Variants in ATM observed in about 807,000 individuals in gnomAD.
The protein encoded by ATM is ATM serine/threonine kinase.
ATM carries 308 observed loss-of-function variants against 387.0 expected under a neutral mutation model. The ratio of observed to expected loss-of-function variants is 0.80; its 90% CI spans 0.73 to 0.87. The LOEUF (loss-of-function observed/expected upper bound fraction) is 0.87, where lower values mean the gene tolerates loss of function less well. Among genes scored for constraint, ATM ranks in the 40% least tolerant of loss-of-function variants. The probability of loss-of-function intolerance (pLI) is 0.00; values close to 1 mark genes in which losing one functional copy is unlikely to be tolerated. For synonymous variants in ATM, 1,156 were observed against 1,187.3 expected (o/e 0.97, Z 0.54); for missense variants, 3,312 against 3,560.9 (o/e 0.93, Z 1.78).
chr11:108,308,554 G>T, intron 38 of ATM: 1 of 186,096 alleles, frequency 5.4e-6, no homozygotes, highest in South Asian at 1.1e-4. Context: ...GAAATTGCTA[G>T]AATGGATGGT....
rs56815840 is a variant in ATM at position 108,320,043 on chromosome 11, G to C, written c.6437G>C (p.Ser2146Thr). ...RDREFSTFYE[S>T]LKYARVKEVE... ...AGAGAATTCTCTACATTTTATGAAAGTCTCAAATATGCCAGGTATTATGAA... is the reference window on the plus strand; with the variant it reads ...AGAGAATTCTCTACATTTTATGAAACTCTCAAATATGCCAGGTATTATGAA... The change falls in exon 44 of 63, where the codon AGT (serine) becomes ACT (threonine). Residue 2146 changes from serine to threonine, a missense_variant. Ser to Thr is a moderately conservative substitution (Grantham distance 58). Around this residue, in one of 4 missense-constraint regions of ATM, gnomAD observed 1,405 missense variants for 1,604.4 expected, o/e 0.88. Transcript: ENST00000675843. 1,130 of 1,598,250 alleles carry C rather than the reference G, an allele frequency of 7.1e-4. 9 individuals are homozygous for C. The African/African-American group carries it at 0.013, about 18-fold the overall frequency.
rs181201162 is a variant in ATM, at chr11:108,335,477, T to C, written c.8151+368T>C. On this transcript the variant is annotated intron_variant, in intron 55 of 62. Transcript: ENST00000675843. The stretch of plus-strand genomic sequence containing the variant: ...CCGGGTCTCGTACTGTGCCAAGTGC[T>C]ATTTAATGTACCAAAAAGGGAGAGC... Among the ~76,000 whole-genome samples, 21 of 152,296 alleles carry C rather than the reference T, an allele frequency of 1.4e-4. No homozygotes were observed. The East Asian group carries it at 2.9e-3, about 21-fold the overall frequency.
rs139644998 is a variant in ATM at position 108,283,197 on chromosome 11, C to A, written c.3746+318C>A. On this transcript the variant is annotated intron_variant, in intron 25 of 62. Coordinates refer to ENST00000675843, the MANE Select transcript of ATM (RefSeq NM_000051.4). ...AGGAGATCTTTCAGGTCCTTTTCAG[C>A]TTTAATATTTGATCATCTTTCCTTT... Among the ~76,000 whole-genome samples, 21 of 152,296 alleles carry A rather than the reference C, an allele frequency of 1.4e-4. No individual in the cohort carries two copies. The East Asian group carries it at 3.9e-3, about 28-fold the overall frequency.
intron 61 of ATM, among the ~76,000 whole-genome samples, chr11:108,358,165 C>T (rs929261333): frequency 1.8e-4 from 27 of 151,242 alleles, no homozygotes; most frequent in South Asian, 8.4e-4. Context: ...CCTCAGGAGC[C>T]GATGCGATCA....
In ATM at chr11:108,310,279, A is replaced by G. The variant is rs56399311; in HGVS notation, c.5882A>G (p.Tyr1961Cys). The G allele has an allele frequency of 5.8e-5, 93 of 1,613,612 alleles. No individual in the cohort carries two copies. The highest frequency in any genetic ancestry group is 5.0e-4 in the Middle Eastern group (3 of 6,058). Residue 1961 changes from tyrosine (Y) to cysteine (C), a missense_variant, in exon 39 of 63, where the codon TAT becomes TGT. Around this residue, in one of 4 missense-constraint regions of ATM, gnomAD observed 1,405 missense variants for 1,604.4 expected, o/e 0.88. Coordinates refer to ENST00000675843, the MANE Select transcript of ATM (RefSeq NM_000051.4). ...HFTALLYAEI[Y>C]ADKKSMDDQE... ...ACAGCTTTACTCTATGCAGAAATCT[A>G]TGCAGATAAGAAAAGTATGGATGAT...
chr11:108,324,730 C>A (rs1482095416), intron 45 of ATM, among the ~76,000 whole-genome samples: 1 of 152,166 alleles, frequency 6.6e-6, no homozygotes, highest in Non-Finnish European at 1.5e-5. Flanking sequence ...GGTAGTATTT[C>A]ATAGTTCAGT....
intron 36 of ATM, among the ~76,000 whole-genome samples, chr11:108,304,116 T>C (rs946346014): frequency 1.3e-5 from 2 of 152,210 alleles, no homozygotes; most frequent in African/African-American, 2.4e-5. Context: ...GCCAGATGTA[T>C]TGGAGCACTT....
chr11:108,266,266 A>C (rs2081231549), intron 16 of ATM, among the ~76,000 whole-genome samples: 1 of 151,762 alleles, frequency 6.6e-6, no homozygotes, highest in Non-Finnish European at 1.5e-5. Flanking sequence ...TGGATTAAGA[A>C]ACTGTGGCAC....
Position 108,256,202 on chromosome 11 carries a change from G to C in ATM, c.2125-13G>C, listed in dbSNP as rs2135391648. ...ATGAAATATATATATTTTTATTTGTGGTTTACTTTAAGATTACAAATTCAG... is the reference window on the plus strand; with the variant it reads ...ATGAAATATATATATTTTTATTTGTCGTTTACTTTAAGATTACAAATTCAG... On this transcript the variant is annotated splice_polypyrimidine_tract_variant and intron_variant, in intron 13 of 62. Coordinates refer to ENST00000675843, the MANE Select transcript of ATM (RefSeq NM_000051.4). The C allele has an allele frequency of 6.3e-7, 1 of 1,585,418 alleles. No homozygotes were observed. Among genetic ancestry groups the C allele is most frequent in the Non-Finnish European group, 8.6e-7 (1 of 1,161,346 alleles).
At chr11:108,311,343 GTAGGAAGCCTTA>G (rs2084141125) in intron 39 of ATM, among the ~76,000 whole-genome samples, 1 of 152,066 alleles carries the variant, frequency 6.6e-6, no homozygotes. Context: ...AAGTGGATCG[GTAGGAAGCCTTA>G]TATTTGAAGA....
chr11:108,325,869 C>G (rs1341204198), intron 46 of ATM, among the ~76,000 whole-genome samples, 189 bp from the exon 47 acceptor site: 2 of 151,796 alleles, frequency 1.3e-5, no homozygotes, highest in African/African-American at 2.4e-5. Flanking sequence ...TAGAGAGAGA[C>G]AGACAGACAG....
At chr11:108,305,193 T>G (rs1466736552) in intron 37 of ATM, among the ~76,000 whole-genome samples, 1 of 152,160 alleles carries the variant, frequency 6.6e-6, no homozygotes, top group African/African-American at 2.4e-5. Context: ...ATTCTAGCAA[T>G]GGAAAAAACA....
rs786204726 is a variant in ATM, at chr11:108,365,104, TTGAC to T, written c.8876_8879del (p.Asp2959GlyfsTer3). ...TAGGTCCTTCTATATGATCCACTCT[TTGAC>T]TGGACCATGAATCCTTTGAAAGCTT... is the stretch of plus-strand genomic sequence containing the variant. On this transcript the variant is annotated frameshift_variant, in exon 62 of 63. Transcript: ENST00000675843. LOFTEE classifies it high-confidence loss of function. 1.9e-6 allele frequency: 3 copies of T among 1,614,156 alleles called. No homozygotes were observed. Among genetic ancestry groups the T allele is most frequent in the Admixed American group, 3.3e-5 (2 of 60,026 alleles).
chr11:108,287,804 A>G, intron 27 of ATM, 89 bp downstream of exon 27: 1 of 888,346 alleles, frequency 1.1e-6, no homozygotes, highest in Non-Finnish European at 1.8e-6. Flanking sequence ...GTCTATTTCA[A>G]TTTATAGACA....
intron 43 of ATM, 36 bp from the exon 44 acceptor site, chr11:108,319,918 T>C: frequency 6.8e-7 from 1 of 1,470,874 alleles, no homozygotes; most frequent in Non-Finnish European, 9.5e-7. Flanking sequence ...AGGGTTCTGT[T>C]TTTAAGTATA....
chr11:108,297,092 T>C, intron 32 of ATM, 195 bp from the exon 33 acceptor site: 1 of 571,308 alleles, frequency 1.8e-6, no homozygotes, highest in East Asian at 2.9e-5. Context: ...ATATTGCTAA[T>C]CACTTTCAAA....
chr11:108,346,687 C>T (rs1175508568), intron 58 of ATM: 1 of 154,928 alleles, frequency 6.5e-6, no homozygotes, highest in Non-Finnish European at 1.4e-5. Context: ...CAGAGCAAGC[C>T]AGACACCCAG....
At chr11:108,313,687 A>G (rs1269363444) in intron 40 of ATM, among the ~76,000 whole-genome samples, 9 of 152,158 alleles carry the variant, frequency 5.9e-5, no homozygotes, top group Non-Finnish European at 1.0e-4. Flanking sequence ...TGTGCTAAGC[A>G]TGGGTACTGA....
intron 43 of ATM, among the ~76,000 whole-genome samples, chr11:108,319,126 G>A (rs188192626): frequency 6.6e-5 from 10 of 151,948 alleles, no homozygotes; most frequent in Admixed American, 5.9e-4. Context: ...GCAGTGAGCC[G>A]AGATCATGCC....
Sources: allele counts gnomAD v4.1 joint callset (sites outside exome capture counted in the v4.1 genomes callset), GRCh38; gene constraint gnomAD v4.1.1; regional missense constraint gnomAD v4.1.1; transcripts MANE v1.5; gene names NCBI Gene and HGNC (gene_info 2026-07-23, HGNC 2026-07-21).